Variants in MYOCD observed in about 807,000 individuals in gnomAD.
The protein encoded by MYOCD is myocardin.
MYOCD carries 32 observed loss-of-function variants against 96.1 expected under a neutral mutation model. The ratio of observed to expected loss-of-function variants is 0.33; its 90% CI spans 0.25 to 0.45. The LOEUF is 0.45. Ranked by LOEUF, MYOCD falls within the 20% of genes least tolerant of loss-of-function variation. The pLI is 1.00. For synonymous variants in MYOCD, 469 were observed against 469.0 expected, an observed-to-expected ratio of 1.00 and a Z score of 0.00; for missense variants, 1,133 against 1,200.6, an observed-to-expected ratio of 0.94 and a Z score of 0.83.
intron 10 of MYOCD, among the ~76,000 whole-genome samples, chr17:12,755,554 A>T (rs1229134654): frequency 6.6e-6 from 1 of 152,160 alleles, no homozygotes; most frequent in East Asian, 1.9e-4. Context: ...CAGCCTAGCC[A>T]ATATGGTGAA....
chr17:12,712,013 G>A (rs369363112), intron 2 of MYOCD, among the ~76,000 whole-genome samples: 37 of 148,222 alleles, frequency 2.5e-4, no homozygotes, highest in African/African-American at 7.5e-4. Flanking sequence ...AACCTCTGCC[G>A]CCTGGGTTCC....
At chr17:12,742,904 A>T in intron 7 of MYOCD, among the ~76,000 whole-genome samples, 1 of 152,118 alleles carries the variant, frequency 6.6e-6, no homozygotes, top group East Asian at 1.9e-4. Context: ...TGATAACAGG[A>T]TGGACCCATT....
chr17:12,741,323 AAGG>A lies in MYOCD; in HGVS notation c.717+2004_717+2006del, dbSNP rs1453503971. The stretch of plus-strand genomic sequence containing the variant: ...CAATGCATTTTGTTCATTGCAGGGG[AAGG>A]AGGAGGAGATGAGTCCCGTTATTTC... On this transcript the variant is annotated intron_variant, in intron 7 of 13. Coordinates refer to ENST00000425538, the MANE Select transcript of MYOCD (RefSeq NM_001146312.3). 8.5e-5 allele frequency among the ~76,000 whole-genome samples: 13 copies of A among 152,156 alleles called. No homozygotes were observed. In the South Asian group the frequency reaches 2.5e-3, roughly 29 times the overall value.
At chr17:12,760,513 G>C in intron 12 of MYOCD, 137 bp from the exon 13 acceptor site, 1 of 674,716 alleles carries the variant, frequency 1.5e-6, no homozygotes, top group South Asian at 1.7e-5. Flanking sequence ...TTAAAGTTAT[G>C]TGTATTTTGC....
intron 1 of MYOCD, among the ~76,000 whole-genome samples, chr17:12,687,768 G>A (rs1395659384): frequency 6.6e-6 from 1 of 152,148 alleles, no homozygotes; most frequent in Non-Finnish European, 1.5e-5. Flanking sequence ...GCAAGGCTAG[G>A]GGGAATTTAC....
At chr17:12,668,891 G>T (rs143767348) in intron 1 of MYOCD, among the ~76,000 whole-genome samples, 2,026 of 152,190 alleles carry the variant, frequency 0.013, 51 homozygotes, top group African/African-American at 0.047. Context: ...GATGTGCAGT[G>T]GGACCGGCGG....
chr17:12,758,056 A>G (rs370797808), intron 11 of MYOCD, 29 bp from the exon 12 acceptor site: 3 of 1,481,706 alleles, frequency 2.0e-6, no homozygotes, highest in South Asian at 2.3e-5. Context: ...CATGAATTCA[A>G]TGCCTTTCTT....
At chr17:12,688,536 C>CCTTCCTTCCATCTT (rs1189473814) in intron 1 of MYOCD, among the ~76,000 whole-genome samples, 1 of 103,522 alleles carries the variant, frequency 9.7e-6, no homozygotes, top group African/African-American at 5.4e-5. Flanking sequence ...CTTCTTCCTT[C>CCTTCCTTCCATCTT]CTTCCTTCCA....
At chr17:12,704,693 G>A (rs538590185) in intron 1 of MYOCD, among the ~76,000 whole-genome samples, 9 of 152,234 alleles carry the variant, frequency 5.9e-5, no homozygotes, top group African/African-American at 2.2e-4. Flanking sequence ...GGAAACTGAG[G>A]GTCAGAGAGG....
chr17:12,690,736 C>G (rs749233630), intron 1 of MYOCD, among the ~76,000 whole-genome samples: 1 of 152,018 alleles, frequency 6.6e-6, no homozygotes. Context: ...AGGAAGGGGA[C>G]GAGGGAAATT....
chr17:12,697,436 C>T (rs1026729763), intron 1 of MYOCD, among the ~76,000 whole-genome samples: 1 of 144,562 alleles, frequency 6.9e-6, no homozygotes, highest in Non-Finnish European at 1.5e-5. Flanking sequence ...AATCTTGGCT[C>T]ACTGCAAGCT....
chr17:12,750,550 G>A (rs1343819837), intron 9 of MYOCD, among the ~76,000 whole-genome samples: 2 of 152,032 alleles, frequency 1.3e-5, no homozygotes, highest in Non-Finnish European at 2.9e-5. Context: ...TTAGCCCGGT[G>A]TGGTGGTGCG....
At chr17:12,687,121 A>G (rs1392029064) in intron 1 of MYOCD, among the ~76,000 whole-genome samples, 1 of 152,106 alleles carries the variant, frequency 6.6e-6, no homozygotes, top group African/African-American at 2.4e-5. Flanking sequence ...GAGTTTTAAC[A>G]TTTTGTGAGA....
chr17:12,739,273 G>A lies in MYOCD; in HGVS notation c.662G>A (p.Gly221Glu), dbSNP rs773138685. The stretch of plus-strand genomic sequence containing the variant: ...CAGCCCAGCCACCAGTCAGATGCGG[G>A]GAAGCAGGGGCTTGGCCCCCCCAGC... ...ASQPSHQSDAGKQGLGPPSTP... is the reference protein window; with the variant it reads ...ASQPSHQSDAEKQGLGPPSTP... The change falls in exon 7 of 14, where the codon GGG (glycine) becomes GAG (glutamate). Residue 221 changes from glycine (G) to glutamate (E), a missense_variant. Coordinates refer to ENST00000425538, the MANE Select transcript of MYOCD (RefSeq NM_001146312.3). 2.5e-6 allele frequency: 4 copies of A among 1,608,720 alleles called. No individual in the cohort carries two copies. The highest frequency in any genetic ancestry group is 3.4e-6 in the Non-Finnish European group (4 of 1,177,916).
intron 1 of MYOCD, among the ~76,000 whole-genome samples, chr17:12,700,969 A>AT (rs1462824290): frequency 2.6e-5 from 4 of 151,782 alleles, no homozygotes; most frequent in African/African-American, 9.7e-5. Context: ...TGCTATTCAG[A>AT]TTTTCTGTGT....
intron 7 of MYOCD, among the ~76,000 whole-genome samples, chr17:12,739,824 G>C (rs2032454036): frequency 6.6e-6 from 1 of 152,100 alleles, no homozygotes; most frequent in Admixed American, 6.6e-5. Flanking sequence ...CAAATGTTTA[G>C]TTTTCTCAGC....
intron 3 of MYOCD, among the ~76,000 whole-genome samples, chr17:12,716,096 A>T (rs2031631355): frequency 6.6e-6 from 1 of 152,212 alleles, no homozygotes; most frequent in African/African-American, 2.4e-5. Flanking sequence ...AAATCTCTGC[A>T]ACTTGAATTT....
At chr17:12,710,211 C>T (rs752232010) in intron 2 of MYOCD, among the ~76,000 whole-genome samples, 59 of 152,170 alleles carry the variant, frequency 3.9e-4, no homozygotes, top group African/African-American at 7.2e-5. Context: ...TCTCCGTCTC[C>T]CTCTGCTACT....
At chr17:12,675,516 A>T (rs530153256) in intron 1 of MYOCD, among the ~76,000 whole-genome samples, 1 of 152,366 alleles carries the variant, frequency 6.6e-6, no homozygotes, top group South Asian at 2.1e-4. Context: ...TTAATTTTTT[A>T]AAATTCAGGT....
Sources: allele counts gnomAD v4.1 joint callset (sites outside exome capture counted in the v4.1 genomes callset), GRCh38; gene constraint gnomAD v4.1.1; transcripts MANE v1.5; gene names NCBI Gene and HGNC (gene_info 2026-07-23, HGNC 2026-07-21).